PAK5: variants seen among roughly 807,000 people sequenced by gnomAD.
PAK5 encodes serine/threonine-protein kinase PAK 5.
PAK5 carries 16 observed loss-of-function variants against 65.9 expected under a neutral mutation model. That is an observed-to-expected ratio of 0.24 (90% confidence interval 0.16 to 0.37). The LOEUF is 0.37. PAK5 is among the 10% of genes least tolerant of loss of function. The pLI is 1.00. For missense variants in PAK5, 785 were observed against 903.9 expected (o/e 0.87, Z 1.69); for synonymous variants, 371 against 354.9 (o/e 1.05, Z -0.51).
chr20:9,774,705 C>T (rs1484655435), intron 1 of PAK5, among the ~76,000 whole-genome samples: 1 of 151,974 alleles, frequency 6.6e-6, no homozygotes, highest in Admixed American at 6.6e-5. Context: ...AGCTGACGGA[C>T]GACCAAGGTG....
chr20:9,658,059 G>C (rs1333919015), intron 2 of PAK5, among the ~76,000 whole-genome samples: 1 of 152,200 alleles, frequency 6.6e-6, no homozygotes, highest in African/African-American at 2.4e-5. Context: ...TTTTAGCGAA[G>C]TAGGGTTTCC....
chr20:9,583,024 C>G (rs911478886), intron 3 of PAK5, among the ~76,000 whole-genome samples: 1 of 152,152 alleles, frequency 6.6e-6, no homozygotes, highest in South Asian at 2.1e-4. Flanking sequence ...CCCTTCCCCC[C>G]AAATCAGGCA....
chr20:9,656,879 T>A (rs114718944), intron 2 of PAK5, among the ~76,000 whole-genome samples: 161 of 152,320 alleles, frequency 1.1e-3, no homozygotes, highest in African/African-American at 3.5e-3. Flanking sequence ...CATACTATCT[T>A]CACAACTTTC....
intron 2 of PAK5, among the ~76,000 whole-genome samples, chr20:9,650,592 C>T (rs2047190508): frequency 6.6e-6 from 1 of 152,216 alleles, no homozygotes; most frequent in South Asian, 2.1e-4. Flanking sequence ...TTTTCAGTCC[C>T]TGTGGGGCTA....
intron 3 of PAK5, among the ~76,000 whole-genome samples, chr20:9,614,259 G>T (rs1202522454): frequency 6.6e-6 from 1 of 152,190 alleles, no homozygotes; most frequent in South Asian, 2.1e-4. Flanking sequence ...AAGACTCTCT[G>T]AGGCTGAGGA....
intron 3 of PAK5, among the ~76,000 whole-genome samples, chr20:9,624,961 G>A (rs150660380): frequency 2.5e-4 from 38 of 152,242 alleles, no homozygotes; most frequent in African/African-American, 8.7e-4. Context: ...TTGGTTTGTG[G>A]GCAACAGAAC....
intron 4 of PAK5, among the ~76,000 whole-genome samples, chr20:9,573,662 G>A (rs1290602391): frequency 6.6e-6 from 1 of 151,998 alleles, no homozygotes; most frequent in Non-Finnish European, 1.5e-5. Context: ...AAGAAGAGAA[G>A]GAAAAAACAG....
chr20:9,577,839 T>A (rs1386102447), intron 4 of PAK5: 1 of 152,196 alleles, frequency 6.6e-6, no homozygotes, highest in Non-Finnish European at 1.5e-5. Context: ...CATGAGTGAT[T>A]ATGCTGTTTT....
rs77555754 is a variant in PAK5, at chr20:9,598,990, T to C, written c.205-18060A>G. The stretch of plus-strand genomic sequence containing the variant: ...CCTTTCTGGAACTTTTTTTAAATCA[T>C]CTCACGTAGAAACTTTGTACCCATT... On this transcript the variant is annotated intron_variant, in intron 3 of 9. Coordinates refer to ENST00000353224, the MANE Select transcript of PAK5 (RefSeq NM_177990.4). Among the ~76,000 whole-genome samples, 1,490 of 152,300 alleles carry C rather than the reference T, an allele frequency of 9.8e-3. 24 individuals are homozygous for C. Among genetic ancestry groups the C allele is most frequent in the East Asian group, 0.033 (171 of 5,180 alleles).
At chr20:9,791,733 G>T (rs2049052288) in intron 1 of PAK5, among the ~76,000 whole-genome samples, 3 of 152,068 alleles carry the variant, frequency 2.0e-5, no homozygotes, top group Admixed American at 2.0e-4. Flanking sequence ...AGGCCAATGG[G>T]CTGGTGATAA....
chr20:9,546,321 A>G (rs1406837926), intron 7 of PAK5, among the ~76,000 whole-genome samples: 1 of 152,204 alleles, frequency 6.6e-6, no homozygotes, highest in East Asian at 1.9e-4. Flanking sequence ...TGAATTACTG[A>G]CAGCAGTACA....
At chr20:9,791,623 A>C (rs2049051390) in intron 1 of PAK5, among the ~76,000 whole-genome samples, 2 of 152,106 alleles carry the variant, frequency 1.3e-5, no homozygotes, top group South Asian at 4.1e-4. Context: ...GAGAGCAGTA[A>C]ATAATTCAGG....
intron 1 of PAK5, among the ~76,000 whole-genome samples, chr20:9,766,027 T>A (rs1323370775): frequency 6.6e-6 from 1 of 151,826 alleles, no homozygotes; most frequent in Non-Finnish European, 1.5e-5. Context: ...ATCAAGACCA[T>A]CCTGGCCAAA....
intron 1 of PAK5, among the ~76,000 whole-genome samples, chr20:9,749,814 G>C (rs2048553720): frequency 1.3e-5 from 2 of 152,148 alleles, no homozygotes; most frequent in South Asian, 4.1e-4. Flanking sequence ...CTGGACTACA[G>C]TTTAACTGGA....
At chr20:9,564,526 C>G (rs1277239990) in intron 5 of PAK5, among the ~76,000 whole-genome samples, 1 of 152,138 alleles carries the variant, frequency 6.6e-6, no homozygotes, top group African/African-American at 2.4e-5. Flanking sequence ...TCATATCTAG[C>G]AGATGAACAG....
intron 1 of PAK5, among the ~76,000 whole-genome samples, chr20:9,792,308 T>C (rs547143615): frequency 1.3e-5 from 2 of 152,220 alleles, no homozygotes; most frequent in East Asian, 3.9e-4. Flanking sequence ...TAAGATACCA[T>C]GTCTAAGGGT....
At chr20:9,780,300 C>T (rs1227960834) in intron 1 of PAK5, among the ~76,000 whole-genome samples, 1 of 150,610 alleles carries the variant, frequency 6.6e-6, no homozygotes, top group East Asian at 1.9e-4. Context: ...TAATAGGGTG[C>T]AATTTGGAAA....
At chr20:9,737,640 C>A (rs1425139377) in intron 1 of PAK5, among the ~76,000 whole-genome samples, 3 of 151,576 alleles carry the variant, frequency 2.0e-5, no homozygotes, top group Admixed American at 2.0e-4. Flanking sequence ...AGCAAGCAAC[C>A]CAACTAAAAA....
intron 1 of PAK5, among the ~76,000 whole-genome samples, chr20:9,794,093 C>T (rs964947194): frequency 1.3e-5 from 2 of 151,374 alleles, no homozygotes; most frequent in Non-Finnish European, 2.9e-5. Flanking sequence ...GAGCAAACAC[C>T]GCATGTTCTC....
Sources: allele counts gnomAD v4.1 joint callset (sites outside exome capture counted in the v4.1 genomes callset), GRCh38; gene constraint gnomAD v4.1.1; transcripts MANE v1.5; gene names NCBI Gene and HGNC (gene_info 2026-07-23, HGNC 2026-07-21).